The following NUDCD3 variants were observed in gnomAD, a reference collection of about 807,000 sequenced individuals.
NUDCD3 encodes nudC domain-containing protein 3.
In NUDCD3, 13 loss-of-function variants were observed where a neutral mutation model predicts 39.7. The observed-to-expected ratio is 0.33, with a 90% CI of 0.21 to 0.52. NUDCD3 has a LOEUF of 0.52. NUDCD3 is among the 20% of genes least tolerant of loss of function. NUDCD3 has a pLI of 0.96. For synonymous variants in NUDCD3, 175 were observed against 172.4 expected (o/e 1.02, Z -0.12); for missense variants, 453 against 458.1 (o/e 0.99, Z 0.10).
intron 2 of NUDCD3, among the ~76,000 whole-genome samples, chr7:44,442,987 C>T (rs1799620055): frequency 6.6e-6 from 1 of 152,144 alleles, no homozygotes; most frequent in Non-Finnish European, 1.5e-5. Flanking sequence ...CAGGGGTGAG[C>T]CACCGCACCT....
At position 44,487,559 on chromosome 7, in the gene NUDCD3, C is replaced by T. The variant is rs114433729; in HGVS notation, c.193-2275G>A. On this transcript the variant is annotated intron_variant, in intron 1 of 5. Coordinates refer to ENST00000355451, the MANE Select transcript of NUDCD3 (RefSeq NM_015332.4). ...ATAATGTTATGCTGGTACCAAGTCA[C>T]TCAGTCTCATTCAGTGTTGTCCCAC... Among the ~76,000 whole-genome samples the T allele has an allele frequency of 3.9e-3, 598 of 152,164 alleles. 6 individuals carry two copies. The highest frequency in any genetic ancestry group is 0.014 in the African/African-American group (578 of 41,522).
intron 3 of NUDCD3, among the ~76,000 whole-genome samples, chr7:44,420,831 C>G (rs1799123433): frequency 6.6e-6 from 1 of 152,200 alleles, no homozygotes. Context: ...GCCTGCCTTA[C>G]AAGAGCTCCT....
At chr7:44,419,299 C>G (rs1799092082) in intron 3 of NUDCD3, among the ~76,000 whole-genome samples, 1 of 137,528 alleles carries the variant, frequency 7.3e-6, no homozygotes, top group Non-Finnish European at 1.6e-5. Flanking sequence ...TCTCACTGGG[C>G]AGGGCATCTC....
intron 2 of NUDCD3, among the ~76,000 whole-genome samples, chr7:44,472,128 G>A (rs145278254): frequency 9.7e-4 from 148 of 152,270 alleles, no homozygotes; most frequent in Non-Finnish European, 2.0e-3. Flanking sequence ...TGCTTTAGTG[G>A]CTGCCAGTTC....
chr7:44,440,836 T>G (rs1799568027), intron 2 of NUDCD3, among the ~76,000 whole-genome samples: 1 of 152,238 alleles, frequency 6.6e-6, no homozygotes, highest in South Asian at 2.1e-4. Flanking sequence ...AGCTCTTACC[T>G]AGTCTTCTTG....
At chr7:44,442,854 C>T (rs1434382515) in intron 2 of NUDCD3, among the ~76,000 whole-genome samples, 1 of 152,068 alleles carries the variant, frequency 6.6e-6, no homozygotes, top group Non-Finnish European at 1.5e-5. Flanking sequence ...CACCACTGCG[C>T]CTGGCTAAAT....
chr7:44,466,147 G>A (rs766253977), intron 2 of NUDCD3, among the ~76,000 whole-genome samples: 2 of 152,242 alleles, frequency 1.3e-5, no homozygotes, highest in South Asian at 4.2e-4. Context: ...CCTAGAAGCA[G>A]GGACAGCCAC....
At chr7:44,438,117 A>T (rs1304527822) in intron 2 of NUDCD3, among the ~76,000 whole-genome samples, 1 of 152,202 alleles carries the variant, frequency 6.6e-6, no homozygotes, top group Non-Finnish European at 1.5e-5. Context: ...GCTACTCAGG[A>T]GGCTGAGGCA....
At chr7:44,440,119 G>C (rs909715949) in intron 2 of NUDCD3, among the ~76,000 whole-genome samples, 1 of 152,168 alleles carries the variant, frequency 6.6e-6, no homozygotes, top group Non-Finnish European at 1.5e-5. Flanking sequence ...AGGGGACAAC[G>C]GGCACATGAC....
intron 2 of NUDCD3, among the ~76,000 whole-genome samples, chr7:44,430,554 C>CCCCA (rs1799339303): frequency 7.1e-6 from 1 of 140,772 alleles, no homozygotes; most frequent in African/African-American, 2.8e-5. Flanking sequence ...AATAAAATAC[C>CCCCA]CACACACACA....
At position 44,380,810 on chromosome 7, in the gene NUDCD3, C is replaced by T. The variant is rs1047732167; in HGVS notation, c.*5201G>A. 4 of 152,322 alleles carry T rather than the reference C, an allele frequency of 2.6e-5. No homozygotes were observed. The highest frequency in any genetic ancestry group is 5.9e-5 in the Non-Finnish European group (4 of 68,104). The allele number at this position is 152,322 out of a possible 1,614,324, so 9.4% of individuals were successfully genotyped here. On this transcript the variant is annotated 3_prime_UTR_variant, in exon 6 of 6. Transcript: ENST00000355451. ...CCCTAGTCCAGCAGAGGTTAGGGCT[C>T]GCTTTCCCTGCTAGAGGGGCCTCCT...
intron 2 of NUDCD3, among the ~76,000 whole-genome samples, chr7:44,459,455 T>C (rs555007094): frequency 6.6e-6 from 1 of 152,306 alleles, no homozygotes; most frequent in African/African-American, 2.4e-5. Flanking sequence ...CTTGAAGTGT[T>C]GGGATTACAG....
chr7:44,470,432 G>A (rs532486180), intron 2 of NUDCD3, among the ~76,000 whole-genome samples: 6 of 152,248 alleles, frequency 3.9e-5, no homozygotes, highest in African/African-American at 1.2e-4. Flanking sequence ...AATCCTATAG[G>A]ACAGAGCTGC....
chr7:44,415,762 C>T (rs779881719), intron 3 of NUDCD3, among the ~76,000 whole-genome samples: 1 of 152,220 alleles, frequency 6.6e-6, no homozygotes, highest in African/African-American at 2.4e-5. Context: ...ACTGGGCTGC[C>T]TAAGCAAAGC....
At chr7:44,446,264 G>T (rs576446555) in intron 2 of NUDCD3, among the ~76,000 whole-genome samples, 1 of 152,276 alleles carries the variant, frequency 6.6e-6, no homozygotes, top group Non-Finnish European at 1.5e-5. Flanking sequence ...TCAAAGAGTT[G>T]CTGTTTTCAT....
chr7:44,450,380 G>A, intron 2 of NUDCD3, among the ~76,000 whole-genome samples: 1 of 152,006 alleles, frequency 6.6e-6, no homozygotes, highest in Non-Finnish European at 1.5e-5. Context: ...GTTTCACCAT[G>A]TTGGCAAGAC....
Position 44,400,703 on chromosome 7 carries a change from C to T in NUDCD3, c.786+3737G>A, listed in dbSNP as rs1183581655. Among the ~76,000 whole-genome samples, 5 of 152,320 alleles carry T rather than the reference C, an allele frequency of 3.3e-5. No homozygotes were observed. In the East Asian group the frequency reaches 9.7e-4, roughly 29 times the overall value. ...AGACTCTAGGGGAGGATCCTTCCTG[C>T]CATTTCCAGCTTCTGGTGGCTCCAG... is the stretch of plus-strand genomic sequence containing the variant. On this transcript the variant is annotated intron_variant, in intron 4 of 5. Coordinates refer to ENST00000355451, the MANE Select transcript of NUDCD3 (RefSeq NM_015332.4).
At chr7:44,415,104 CG>C (rs1798996036) in intron 3 of NUDCD3, among the ~76,000 whole-genome samples, 1 of 152,160 alleles carries the variant, frequency 6.6e-6, no homozygotes, top group Non-Finnish European at 1.5e-5. Flanking sequence ...GTGGAGGTGA[CG>C]GGACCTTGGT....
rs1478924526 is a variant in NUDCD3, at chr7:44,385,344, T to C, written c.*667A>G. On this transcript the variant is annotated 3_prime_UTR_variant, in exon 6 of 6. Coordinates refer to ENST00000355451, the MANE Select transcript of NUDCD3 (RefSeq NM_015332.4). ...GTCAGAGAACAGAATCCCCGCTGCA[T>C]CTGGACCTGAGCCCAGAACCTAGGC... 1 of 152,322 alleles carries C rather than the reference T, an allele frequency of 6.6e-6. No homozygotes were observed. Among genetic ancestry groups the C allele is most frequent in the Non-Finnish European group, 1.5e-5 (1 of 68,098 alleles). 9.4% of individuals were successfully genotyped at this position (152,322 alleles called of 1,614,324 possible). A position where few individuals can be genotyped will look rare whatever the true frequency, so the allele number is the denominator to read the frequency against.
Sources: gnomAD v4.1 joint callset for allele counts (sites outside exome capture counted in the v4.1 genomes callset) on GRCh38, gnomAD v4.1.1 for gene constraint, MANE v1.5 for transcripts, NCBI Gene and HGNC (gene_info 2026-07-23, HGNC 2026-07-21) for gene names.